MOV10L1: variants seen among roughly 807,000 people sequenced by gnomAD.
MOV10L1 encodes the protein RNA helicase Mov10l1.
MOV10L1 carries 110 observed loss-of-function variants against 143.8 expected under a neutral mutation model. The observed-to-expected ratio is 0.76, with a 90% CI of 0.66 to 0.90. The LOEUF is 0.90. MOV10L1 is among the 40% of genes least tolerant of loss of function. The pLI, the probability that MOV10L1 is intolerant of heterozygous loss-of-function variation, is 0.00. For synonymous variants in MOV10L1, 593 were observed against 581.1 expected, an observed-to-expected ratio of 1.02 and a Z score of -0.29; for missense variants, 1,406 against 1,526.8, an observed-to-expected ratio of 0.92 and a Z score of 1.32.
intron 22 of MOV10L1, among the ~76,000 whole-genome samples, chr22:50,155,435 A>G (rs1414956456): frequency 2.0e-5 from 3 of 151,242 alleles, no homozygotes; most frequent in South Asian, 2.1e-4. Context: ...TAATTTTCGT[A>G]TTTTTACTGC....
chr22:50,141,631 G>T (rs1427268152), intron 15 of MOV10L1, among the ~76,000 whole-genome samples: 6 of 151,834 alleles, frequency 4.0e-5, no homozygotes, highest in East Asian at 1.9e-4. Context: ...TGAGCCCCGT[G>T]CCCGGCCTGG....
chr22:50,104,182 G>A (rs987218095), intron 3 of MOV10L1, among the ~76,000 whole-genome samples: 4 of 152,172 alleles, frequency 2.6e-5, no homozygotes, highest in Admixed American at 6.5e-5. Flanking sequence ...AGGAGGTGGC[G>A]CTCAGGCTGT....
chr22:50,153,732 G>C (rs1253818605), intron 22 of MOV10L1, among the ~76,000 whole-genome samples: 1 of 152,256 alleles, frequency 6.6e-6, no homozygotes, highest in South Asian at 2.1e-4. Flanking sequence ...CAGAGGGACA[G>C]AGTTAGATGC....
chr22:50,146,179 C>CT (rs111385997), intron 19 of MOV10L1, among the ~76,000 whole-genome samples: 34,437 of 151,728 alleles, frequency 0.23, 4,288 homozygotes, highest in Admixed American at 0.35. Context: ...GGCCTTTGGA[C>CT]GACCTCTGGT....
chr22:50,113,276 G>T (rs1365423656), intron 5 of MOV10L1, among the ~76,000 whole-genome samples: 1 of 152,088 alleles, frequency 6.6e-6, no homozygotes, highest in East Asian at 1.9e-4. Context: ...GCCCTAATAG[G>T]CAAGGCCCAT....
Position 50,152,733 on chromosome 22 carries a change from C to T in MOV10L1, c.2893-312C>T, listed in dbSNP as rs151218332. 4.2e-3 allele frequency among the ~76,000 whole-genome samples: 633 copies of T among 152,302 alleles called. 1 individual carries two copies. Among genetic ancestry groups the T allele is most frequent in the Non-Finnish European group, 6.8e-3 (463 of 68,016 alleles). On this transcript the variant is annotated intron_variant, in intron 21 of 26. Transcript: ENST00000262794. The surrounding 1 kb of genome is among the most constrained non-coding windows in gnomAD (Gnocchi z 4.4). ...GGGAGGCATCCACCTGCCCTCCACCCGGCTGCTGGGTTCCAGGTGGCAGGA... is the reference window on the plus strand; with the variant it reads ...GGGAGGCATCCACCTGCCCTCCACCTGGCTGCTGGGTTCCAGGTGGCAGGA...
In MOV10L1 at chr22:50,090,110, C is replaced by G. The variant is rs1283262191; in HGVS notation, c.22C>G (p.Leu8Val). ...GGCCATGCTGAGCCTCGCAGCCAAG[C>G]TGGTGGCCTTCTTCTGGAGGACGGC... MLSLAAKLVAFFWRTADT... is the reference protein window; with the variant it reads MLSLAAKVVAFFWRTADT... Residue 8 changes from leucine (L) to valine (V), a missense_variant, in exon 1 of 27, where the codon CTG becomes GTG. By Grantham distance (32) the Leu-to-Val change is conservative (BLOSUM62 1). Around this residue, in one of 3 missense-constraint regions of MOV10L1, gnomAD observed 166 missense variants for 153.9 expected, o/e 1.08. Transcript: ENST00000262794. The G allele has an allele frequency of 1.8e-5, 24 of 1,365,280 alleles. No individual in the cohort carries two copies. The highest frequency in any genetic ancestry group is 2.3e-5 in the Non-Finnish European group (24 of 1,059,512). 84.6% of individuals were successfully genotyped at this position (1,365,280 alleles called of 1,614,324 possible).
At chr22:50,108,276 T>G in intron 4 of MOV10L1, 28 bp downstream of exon 4, 1 of 1,584,690 alleles carries the variant, frequency 6.3e-7, no homozygotes, top group South Asian at 1.1e-5. Flanking sequence ...GGCTCCTCTC[T>G]GTGCTTCTGG....
intron 12 of MOV10L1, 33 bp downstream of exon 12, chr22:50,126,305 A>G: frequency 6.6e-7 from 1 of 1,525,594 alleles, no homozygotes. Flanking sequence ...AGTTTGTGTT[A>G]GACACACCCT....
intron 5 of MOV10L1, among the ~76,000 whole-genome samples, chr22:50,109,155 C>T (rs1237879962): frequency 6.6e-6 from 1 of 151,704 alleles, no homozygotes. Context: ...AAAAAGAAAA[C>T]GCTTTTCTTC....
rs1405319952 is a variant in MOV10L1, at chr22:50,152,400, G to A, written c.2893-645G>A. Among the ~76,000 whole-genome samples the A allele has an allele frequency of 6.6e-6, 1 of 152,206 alleles. No homozygotes were observed. The highest frequency in any genetic ancestry group is 1.5e-5 in the Non-Finnish European group (1 of 68,020). ...TCTGACTGGTTGAACTCCTGTAGTC[G>A]CTGGAGACCCTCTCTGGCTGCTTAC... is the stretch of plus-strand genomic sequence containing the variant. On this transcript the variant is annotated intron_variant, in intron 21 of 26. Coordinates refer to ENST00000262794, the MANE Select transcript of MOV10L1 (RefSeq NM_018995.3). The surrounding 1 kb of genome is among the most constrained non-coding windows in gnomAD (Gnocchi z 4.4).
chr22:50,155,266 T>TTC (rs2063396213), intron 22 of MOV10L1, among the ~76,000 whole-genome samples: 1 of 150,344 alleles, frequency 6.7e-6, no homozygotes, highest in Non-Finnish European at 1.5e-5. Flanking sequence ...TTTGTGGGTT[T>TTC]TTTTTTTTTT....
intron 12 of MOV10L1, 95 bp downstream of exon 12, chr22:50,126,367 C>A: frequency 2.4e-6 from 2 of 830,164 alleles, no homozygotes; most frequent in South Asian, 1.7e-5. Flanking sequence ...GGGAGATGCT[C>A]CCATATGCAT....
At position 50,152,919 on chromosome 22, in the gene MOV10L1, G is replaced by T. The variant is rs1340718856; in HGVS notation, c.2893-126G>T. 6 of 934,734 alleles carry T rather than the reference G, an allele frequency of 6.4e-6. No homozygotes were observed. In the Admixed American group the frequency reaches 6.8e-5, roughly 11 times the overall value. 57.9% of individuals were successfully genotyped at this position (934,734 alleles called of 1,614,324 possible). On this transcript the variant is annotated intron_variant, in intron 21 of 26. Coordinates refer to ENST00000262794, the MANE Select transcript of MOV10L1 (RefSeq NM_018995.3). This position sits in a 1 kb window ranked among gnomAD's most constrained non-coding sequence, Gnocchi z 4.4. ...CTGGGGGCAGGCGACACACAGGGGC[G>T]CAGGAGCAGAGTCAGGCTTGGAAGT... is the stretch of plus-strand genomic sequence containing the variant.
intron 13 of MOV10L1, among the ~76,000 whole-genome samples, chr22:50,130,304 T>C (rs570169647): frequency 6.6e-6 from 1 of 152,096 alleles, no homozygotes. Flanking sequence ...ATTTTATATA[T>C]ATATGTCTTT....
chr22:50,123,315 C>T (rs2147208297), intron 10 of MOV10L1, among the ~76,000 whole-genome samples: 1 of 151,924 alleles, frequency 6.6e-6, no homozygotes, highest in Non-Finnish European at 1.5e-5. Flanking sequence ...GTTGAACTAT[C>T]CTTGCATTCC....
chr22:50,121,750 A>G (rs1160276393), intron 10 of MOV10L1, among the ~76,000 whole-genome samples: 1 of 152,094 alleles, frequency 6.6e-6, no homozygotes, highest in Non-Finnish European at 1.5e-5. Context: ...CTGGGGACCC[A>G]GGTCTGCTGG....
intron 3 of MOV10L1, among the ~76,000 whole-genome samples, chr22:50,104,169 G>A (rs1053536883): frequency 6.6e-6 from 1 of 152,224 alleles, no homozygotes; most frequent in Non-Finnish European, 1.5e-5. Context: ...CTGCTGATCT[G>A]ATAGGAGGTG....
In MOV10L1 at chr22:50,152,345, G is replaced by A. The variant is rs192033696; in HGVS notation, c.2893-700G>A. Among the ~76,000 whole-genome samples, 12 of 152,328 alleles carry A rather than the reference G, an allele frequency of 7.9e-5. No individual in the cohort carries two copies. The highest frequency in any genetic ancestry group is 2.0e-4 in the Admixed American group (3 of 15,306). On this transcript the variant is annotated intron_variant, in intron 21 of 26. Transcript: ENST00000262794. This position sits in a 1 kb window ranked among gnomAD's most constrained non-coding sequence, Gnocchi z 4.4. ...GTCCTCATGCCAATACATGGGTCAC[G>A]TGATGAGCAGGGTCAAGACTGAGCA...
Sources: allele counts gnomAD v4.1 joint callset (sites outside exome capture counted in the v4.1 genomes callset), GRCh38; gene constraint gnomAD v4.1.1; regional missense constraint gnomAD v4.1.1; non-coding constraint Gnocchi (gnomAD v3.1); transcripts MANE v1.5; gene names NCBI Gene and HGNC (gene_info 2026-07-23, HGNC 2026-07-21).